The following ADGRL3 variants were observed in gnomAD, a reference collection of about 807,000 sequenced individuals.
ADGRL3 encodes the protein calcium-independent alpha-latrotoxin receptor 3.
In ADGRL3, 62 loss-of-function variants were observed where a neutral mutation model predicts 153.5. The ratio of observed to expected loss-of-function variants is 0.40; its 90% CI spans 0.33 to 0.50. ADGRL3 has a LOEUF of 0.50. Among genes scored for constraint, ADGRL3 ranks in the 20% least tolerant of loss-of-function variants. The probability of loss-of-function intolerance (pLI) is 0.47; values close to 1 mark genes in which losing one functional copy is unlikely to be tolerated. For missense variants in ADGRL3, 1,641 were observed against 1,859.4 expected, an observed-to-expected ratio of 0.88 and a Z score of 2.16; for synonymous variants, 710 against 672.5, an observed-to-expected ratio of 1.06 and a Z score of -0.86.
chr4:61,685,617 G>A (rs1007502068), intron 6 of ADGRL3, among the ~76,000 whole-genome samples: 1 of 152,074 alleles, frequency 6.6e-6, no homozygotes, highest in African/African-American at 2.4e-5. Context: ...GTAGGGAAGA[G>A]GTTGGCCTGT....
chr4:61,950,620 C>T (rs1217903496), intron 17 of ADGRL3, among the ~76,000 whole-genome samples: 1 of 152,168 alleles, frequency 6.6e-6, no homozygotes, highest in Non-Finnish European at 1.5e-5. Context: ...TCAGGGTATA[C>T]ACACAGACTG....
intron 4 of ADGRL3, among the ~76,000 whole-genome samples, chr4:61,548,977 T>A (rs1042448265): frequency 2.6e-5 from 4 of 151,956 alleles, no homozygotes; most frequent in African/African-American, 9.7e-5. Context: ...GAGGATGGAG[T>A]GTTTTTCCAT....
At chr4:61,456,465 A>C (rs575136161) in intron 2 of ADGRL3, among the ~76,000 whole-genome samples, 13 of 129,444 alleles carry the variant, frequency 1.0e-4, no homozygotes, top group African/African-American at 3.4e-4. Context: ...ATATATATAG[A>C]TATATCTATA....
At chr4:61,629,262 T>TG (rs2093009768) in intron 5 of ADGRL3, among the ~76,000 whole-genome samples, 1 of 152,168 alleles carries the variant, frequency 6.6e-6, no homozygotes, top group South Asian at 2.1e-4. Flanking sequence ...GAAAAATGTT[T>TG]ATCTTCTTGG....
chr4:61,732,555 G>A (rs1219534773), intron 7 of ADGRL3, among the ~76,000 whole-genome samples, 199 bp from the exon 8 acceptor site: 2 of 152,030 alleles, frequency 1.3e-5, no homozygotes, highest in Non-Finnish European at 2.9e-5. Context: ...ATATTTTTCA[G>A]TTATCAAAAT....
chr4:61,861,085 G>C (rs997445751), intron 9 of ADGRL3, among the ~76,000 whole-genome samples: 2 of 152,136 alleles, frequency 1.3e-5, no homozygotes, highest in Non-Finnish European at 2.9e-5. Flanking sequence ...AATAGGATAG[G>C]TTCAGCAGAG....
At chr4:61,787,301 C>A (rs1483168159) in intron 8 of ADGRL3, among the ~76,000 whole-genome samples, 1 of 151,886 alleles carries the variant, frequency 6.6e-6, no homozygotes, top group Non-Finnish European at 1.5e-5. Flanking sequence ...TTTCAACTAT[C>A]CTCACGTTAT....
chr4:61,470,305 G>A (rs1271319422), intron 2 of ADGRL3, among the ~76,000 whole-genome samples: 2 of 151,688 alleles, frequency 1.3e-5, no homozygotes, highest in African/African-American at 2.4e-5. Context: ...CTCATTCCAG[G>A]TAATATTTTG....
At chr4:61,245,387 T>A (rs1756651761) in intron 1 of ADGRL3, among the ~76,000 whole-genome samples, 1 of 152,076 alleles carries the variant, frequency 6.6e-6, no homozygotes, top group Non-Finnish European at 1.5e-5. Context: ...TAAAGCCTAG[T>A]CATCCTTCAA....
At chr4:61,773,239 T>C (rs561959626) in intron 8 of ADGRL3, among the ~76,000 whole-genome samples, 94 of 152,318 alleles carry the variant, frequency 6.2e-4, no homozygotes, top group African/African-American at 2.2e-3. Context: ...TTTTAAGCCC[T>C]GGACAACATG....
intron 1 of ADGRL3, among the ~76,000 whole-genome samples, chr4:61,375,394 A>T (rs1259085959): frequency 6.6e-6 from 1 of 152,136 alleles, no homozygotes; most frequent in Non-Finnish European, 1.5e-5. Flanking sequence ...GCTTGAATGA[A>T]ATTTTAAATT....
intron 9 of ADGRL3, among the ~76,000 whole-genome samples, chr4:61,827,072 G>T (rs1290566369): frequency 6.6e-6 from 1 of 152,120 alleles, no homozygotes; most frequent in Non-Finnish European, 1.5e-5. Context: ...TTAGAAACAG[G>T]CATATTCGAA....
chr4:61,852,558 G>A (rs868107568), intron 9 of ADGRL3, among the ~76,000 whole-genome samples: 7 of 152,072 alleles, frequency 4.6e-5, no homozygotes, highest in South Asian at 2.1e-4. Context: ...CAAGCGATCC[G>A]CCCGCCTCGG....
At chr4:61,353,822 T>TTATA (rs113121530) in intron 1 of ADGRL3, among the ~76,000 whole-genome samples, 5 of 151,884 alleles carry the variant, frequency 3.3e-5, no homozygotes, top group Admixed American at 6.6e-5. Flanking sequence ...TTTAGCATTT[T>TTATA]TGTAGATGAT....
At chr4:61,934,478 G>A (rs974415918) in intron 13 of ADGRL3, among the ~76,000 whole-genome samples, 6 of 152,016 alleles carry the variant, frequency 3.9e-5, no homozygotes, top group African/African-American at 1.4e-4. Flanking sequence ...TTTTCTCTGA[G>A]TCATGTGGTA....
intron 1 of ADGRL3, among the ~76,000 whole-genome samples, chr4:61,210,527 GT>G (rs1389386184): frequency 7.2e-6 from 1 of 138,258 alleles, no homozygotes; most frequent in African/African-American, 2.6e-5. Context: ...CTCCTGTTTT[GT>G]TTTGATTTGG....
At chr4:61,649,016 A>G (rs1239442178) in intron 5 of ADGRL3, among the ~76,000 whole-genome samples, 1 of 151,932 alleles carries the variant, frequency 6.6e-6, no homozygotes, top group Non-Finnish European at 1.5e-5. Context: ...AGCAACCCCA[A>G]ATCTAATTCC....
At chr4:61,511,262 G>A (rs2098462333) in intron 3 of ADGRL3, among the ~76,000 whole-genome samples, 1 of 152,008 alleles carries the variant, frequency 6.6e-6, no homozygotes, top group African/African-American at 2.4e-5. Flanking sequence ...TCAACTACTC[G>A]GGACGTTGCA....
chr4:61,779,191 A>G (rs1215171945), intron 8 of ADGRL3, among the ~76,000 whole-genome samples: 2 of 152,166 alleles, frequency 1.3e-5, no homozygotes, highest in Non-Finnish European at 2.9e-5. Context: ...GAAGTGTCCT[A>G]TCATATTCAT....
Sources: allele counts gnomAD v4.1 joint callset (sites outside exome capture counted in the v4.1 genomes callset), GRCh38; gene constraint gnomAD v4.1.1; transcripts MANE v1.5; gene names NCBI Gene and HGNC (gene_info 2026-07-23, HGNC 2026-07-21).